Variants in SCHIP1 observed in about 807,000 individuals in gnomAD.
The protein encoded by SCHIP1 is schwannomin-interacting protein 1.
A neutral mutation model predicts 29.7 loss-of-function variants in SCHIP1; 8 were observed. The observed-to-expected ratio is 0.27, with a 90% confidence interval of 0.16 to 0.49. The LOEUF (loss-of-function observed/expected upper bound fraction) is 0.49. Among genes scored for constraint, SCHIP1 ranks in the 20% least tolerant of loss-of-function variants. The probability of loss-of-function intolerance (pLI) is 0.99; values close to 1 mark genes in which losing one functional copy is unlikely to be tolerated. For synonymous variants in SCHIP1, 76 were observed against 94.9 expected (o/e 0.80, Z 1.16); for missense variants, 193 against 294.6 (o/e 0.66, Z 2.52).
the SCHIP1 span, among the ~76,000 whole-genome samples, chr3:159,441,894 C>A: frequency 1.3e-5 from 2 of 151,794 alleles, no homozygotes; most frequent in African/African-American, 4.8e-5. Flanking sequence ...ATAGGGTTTC[C>A]CTATGTTGCC....
the SCHIP1 span, among the ~76,000 whole-genome samples, chr3:159,747,652 G>C: frequency 2.0e-5 from 3 of 152,166 alleles, no homozygotes; most frequent in Admixed American, 6.5e-5. Context: ...TCATGGGTAT[G>C]ACCACGGGTT....
At chr3:159,292,933 GTTTA>G in the SCHIP1 span, among the ~76,000 whole-genome samples, 1 of 152,072 alleles carries the variant, frequency 6.6e-6, no homozygotes, top group African/African-American at 2.4e-5. Context: ...TTCTCATCCT[GTTTA>G]TAGCTACCCC....
the SCHIP1 span, among the ~76,000 whole-genome samples, chr3:159,794,325 C>A: frequency 6.6e-6 from 1 of 152,136 alleles, no homozygotes; most frequent in Non-Finnish European, 1.5e-5. Flanking sequence ...TTTATGATTT[C>A]TTTAAAAGGC....
chr3:159,465,266 A>T, the SCHIP1 span, among the ~76,000 whole-genome samples: 11 of 151,630 alleles, frequency 7.3e-5, no homozygotes, highest in Admixed American at 6.6e-4. Flanking sequence ...AATACTTTTA[A>T]TGTGCATTGT....
the SCHIP1 span, among the ~76,000 whole-genome samples, chr3:159,639,585 T>C: frequency 1.6e-4 from 24 of 152,294 alleles, no homozygotes; most frequent in Non-Finnish European, 3.4e-4. Flanking sequence ...AAACAATGTG[T>C]GCTAGAGTTC....
the SCHIP1 span, among the ~76,000 whole-genome samples, chr3:159,702,918 A>G: frequency 1.3e-5 from 2 of 152,282 alleles, no homozygotes; most frequent in African/African-American, 4.8e-5. Context: ...TAGACCTATC[A>G]GTTAAAAGGT....
the SCHIP1 span, among the ~76,000 whole-genome samples, chr3:159,693,101 AG>A: frequency 6.6e-6 from 1 of 152,192 alleles, no homozygotes; most frequent in African/African-American, 2.4e-5. Context: ...CTCAAAATTA[AG>A]AGTGCTCTAC....
intron 1 of SCHIP1, among the ~76,000 whole-genome samples, chr3:159,857,510 C>A (rs1200264992): frequency 6.6e-6 from 1 of 152,122 alleles, no homozygotes; most frequent in African/African-American, 2.4e-5. Context: ...TTAGTATATT[C>A]ATAAGGCTGT....
the SCHIP1 span, among the ~76,000 whole-genome samples, chr3:159,786,075 CT>C: frequency 1.3e-5 from 2 of 152,110 alleles, no homozygotes; most frequent in Non-Finnish European, 2.9e-5. Context: ...TATTACATTT[CT>C]TTCTGTTAAT....
chr3:159,766,876 A>G, the SCHIP1 span, among the ~76,000 whole-genome samples: 2 of 151,946 alleles, frequency 1.3e-5, no homozygotes, highest in African/African-American at 4.8e-5. Flanking sequence ...CCCACCCCCA[A>G]CGCATCTTCT....
At chr3:159,603,924 T>C in the SCHIP1 span, among the ~76,000 whole-genome samples, 1 of 152,082 alleles carries the variant, frequency 6.6e-6, no homozygotes, top group Non-Finnish European at 1.5e-5. Flanking sequence ...TAAACTGTCT[T>C]TTATAACAGA....
At chr3:159,829,176 G>C in the SCHIP1 span, among the ~76,000 whole-genome samples, 2 of 152,102 alleles carry the variant, frequency 1.3e-5, no homozygotes, top group Admixed American at 1.3e-4. Flanking sequence ...AAAAATAATA[G>C]GATTGTGTCC....
chr3:159,312,696 C>T, the SCHIP1 span, among the ~76,000 whole-genome samples: 1 of 152,244 alleles, frequency 6.6e-6, no homozygotes, highest in Middle Eastern at 3.4e-3. Flanking sequence ...ATCTGAATCC[C>T]TGCGTGGACT....
At chr3:159,764,059 A>T in the SCHIP1 span, 1 of 168,818 alleles carries the variant, frequency 5.9e-6, no homozygotes, top group African/African-American at 2.4e-5. This position sits in a 1 kb window ranked among gnomAD's most constrained non-coding sequence, Gnocchi z 6.1. Flanking sequence ...GCCCCCAGGG[A>T]ATTATAATTT....
chr3:159,892,010 TTTGTGTG>T (rs1454930775), intron 5 of SCHIP1, 80 bp from the exon 7 acceptor site: 2 of 1,407,428 alleles, frequency 1.4e-6, no homozygotes, highest in Admixed American at 2.4e-5. Context: ...TGGGTAGCTG[TTTGTGTG>T]TATACTGGTT....
At chr3:159,397,296 C>T in the SCHIP1 span, among the ~76,000 whole-genome samples, 616 of 152,218 alleles carry the variant, frequency 4.0e-3, no homozygotes, top group African/African-American at 0.014. Context: ...GTAATTTGAT[C>T]GTCTGAAGCC....
At chr3:159,557,124 A>AT in the SCHIP1 span, among the ~76,000 whole-genome samples, 1 of 151,548 alleles carries the variant, frequency 6.6e-6, no homozygotes, top group East Asian at 2.0e-4. Flanking sequence ...CGCCCGGCTA[A>AT]TTTTTTGTAT....
the SCHIP1 span, among the ~76,000 whole-genome samples, chr3:159,364,383 C>A: frequency 6.6e-6 from 1 of 152,040 alleles, no homozygotes; most frequent in Non-Finnish European, 1.5e-5. Flanking sequence ...AACTACTGAT[C>A]TAGGAATTAA....
At chr3:159,285,947 T>C in the SCHIP1 span, among the ~76,000 whole-genome samples, 3 of 152,186 alleles carry the variant, frequency 2.0e-5, no homozygotes, top group Non-Finnish European at 4.4e-5. Context: ...TATATCTCTT[T>C]TATTTATATT....
Sources: allele counts gnomAD v4.1 joint callset (sites outside exome capture counted in the v4.1 genomes callset), GRCh38; gene constraint gnomAD v4.1.1; non-coding constraint Gnocchi (gnomAD v3.1); transcripts MANE v1.5; gene names NCBI Gene and HGNC (gene_info 2026-07-23, HGNC 2026-07-21).